Variants in ZC3H18 observed in about 807,000 individuals in gnomAD.
ZC3H18 encodes the protein zinc finger CCCH domain-containing protein 18.
Under a neutral mutation model 106.1 loss-of-function variants are expected in ZC3H18, and 8 were observed. The observed-to-expected ratio is 0.08, with a 90% confidence interval of 0.04 to 0.14. The LOEUF is 0.14. ZC3H18 is among the 10% of genes least tolerant of loss of function. The probability of loss-of-function intolerance (pLI) is 1.00; values close to 1 mark genes in which losing one functional copy is unlikely to be tolerated. For missense variants in ZC3H18, 1,318 were observed against 1,278.4 expected, an observed-to-expected ratio of 1.03 and a Z score of -0.47; for synonymous variants, 635 against 522.1, an observed-to-expected ratio of 1.22 and a Z score of -2.95.
intron 6 of ZC3H18, chr16:88,608,655 A>G (rs531505116): frequency 9.5e-4 from 210 of 220,766 alleles, no homozygotes; most frequent in African/African-American, 4.4e-3. Context: ...GAGCCACCAC[A>G]CCTGGCCCTC....
chr16:88,579,312 C>T (rs1914962945), intron 2 of ZC3H18, among the ~76,000 whole-genome samples: 1 of 152,134 alleles, frequency 6.6e-6, no homozygotes, highest in Non-Finnish European at 1.5e-5. Context: ...TGAGGATGCC[C>T]ATGAGACTGA....
intron 8 of ZC3H18, among the ~76,000 whole-genome samples, chr16:88,613,356 T>C (rs1308565624): frequency 6.6e-6 from 1 of 152,244 alleles, no homozygotes; most frequent in Non-Finnish European, 1.5e-5. Flanking sequence ...TTCTTGAGCA[T>C]ATACCTCAGT....
chr16:88,602,968 CTTTT>C (rs1029970086), intron 6 of ZC3H18, among the ~76,000 whole-genome samples: 4 of 145,160 alleles, frequency 2.8e-5, no homozygotes, highest in Non-Finnish European at 4.6e-5. Context: ...GTTGTTCCTT[CTTTT>C]TTTTTTTTTT....
At position 88,573,831 on chromosome 16, in the gene ZC3H18, G is replaced by C. The variant is rs186037775; in HGVS notation, c.-15+3265G>C. On this transcript the variant is annotated intron_variant, in intron 1 of 17. Transcript: ENST00000301011. ...GAACTGTCTGCTTTTAAGTGACTTGGAATGGATTGGTTGGTTTGTAAATCT... is the reference window on the plus strand; with the variant it reads ...GAACTGTCTGCTTTTAAGTGACTTGCAATGGATTGGTTGGTTTGTAAATCT... Among the ~76,000 whole-genome samples, 8 of 152,042 alleles carry C rather than the reference G, an allele frequency of 5.3e-5. No homozygotes were observed. In the East Asian group the frequency reaches 1.4e-3, roughly 26 times the overall value.
chr16:88,581,750 C>G (rs529227279), intron 2 of ZC3H18, among the ~76,000 whole-genome samples: 2 of 152,324 alleles, frequency 1.3e-5, no homozygotes, highest in East Asian at 3.9e-4. Flanking sequence ...CACCCTGACC[C>G]ACTCATGCCA....
chr16:88,571,327 T>C (rs1359230914), intron 1 of ZC3H18, among the ~76,000 whole-genome samples: 2 of 152,096 alleles, frequency 1.3e-5, no homozygotes, highest in Non-Finnish European at 2.9e-5. Flanking sequence ...TTTGGGAAAA[T>C]GGAAGAAGAG....
chr16:88,594,735 C>T (rs1433076845), intron 3 of ZC3H18, among the ~76,000 whole-genome samples: 2 of 152,214 alleles, frequency 1.3e-5, no homozygotes, highest in East Asian at 3.8e-4. Flanking sequence ...AGGTGGTCAA[C>T]TTCACAGTGT....
At chr16:88,570,838 CAG>C (rs1914353389) in intron 1 of ZC3H18, among the ~76,000 whole-genome samples, 3 of 152,226 alleles carry the variant, frequency 2.0e-5, no homozygotes, top group Admixed American at 2.0e-4. Context: ...CGCCCCGCGG[CAG>C]AGTTTATTTT....
At chr16:88,585,098 A>G (rs1915359704) in intron 2 of ZC3H18, among the ~76,000 whole-genome samples, 1 of 152,254 alleles carries the variant, frequency 6.6e-6, no homozygotes, top group South Asian at 2.1e-4. Flanking sequence ...GAGAAGAGAG[A>G]CATCCTGTCA....
At chr16:88,628,224 G>A in intron 15 of ZC3H18, 105 bp downstream of exon 15, 5 of 1,309,616 alleles carry the variant, frequency 3.8e-6, no homozygotes, top group Non-Finnish European at 3.1e-6. Flanking sequence ...GTGAGGGCGA[G>A]TGGGGCCTTG....
intron 3 of ZC3H18, among the ~76,000 whole-genome samples, chr16:88,595,893 C>G (rs935866559): frequency 2.0e-5 from 3 of 152,156 alleles, no homozygotes; most frequent in African/African-American, 7.2e-5. Context: ...TCCCACATTC[C>G]CGACAGTTGG....
chr16:88,576,635 G>A (rs892475977), intron 1 of ZC3H18, among the ~76,000 whole-genome samples: 4 of 152,232 alleles, frequency 2.6e-5, no homozygotes, highest in African/African-American at 9.6e-5. Flanking sequence ...CACTGCCGAA[G>A]GCTGGCCCAG....
chr16:88,587,284 A>G (rs988265457), intron 3 of ZC3H18, among the ~76,000 whole-genome samples: 2 of 152,146 alleles, frequency 1.3e-5, no homozygotes, highest in Admixed American at 6.5e-5. Flanking sequence ...TAGCCTGATG[A>G]TGTTAGGGCT....
intron 6 of ZC3H18, among the ~76,000 whole-genome samples, chr16:88,606,718 A>G (rs1440931328): frequency 6.6e-6 from 1 of 152,196 alleles, no homozygotes; most frequent in Non-Finnish European, 1.5e-5. Flanking sequence ...AGGTCTCTAC[A>G]AATGTTTCCT....
intron 9 of ZC3H18, chr16:88,622,637 G>A: frequency 2.0e-6 from 1 of 496,322 alleles, no homozygotes; most frequent in Non-Finnish European, 3.6e-6. Flanking sequence ...ACTGCTCCCA[G>A]GGAGTCACAG....
intron 11 of ZC3H18, 50 bp downstream of exon 11, chr16:88,624,112 C>T (rs374507401): frequency 2.6e-5 from 42 of 1,599,072 alleles, no homozygotes; most frequent in Non-Finnish European, 3.5e-5. Context: ...CCTCCACAGG[C>T]TGCAGCCTCC....
intron 8 of ZC3H18, among the ~76,000 whole-genome samples, chr16:88,615,868 G>A (rs576670560): frequency 1.5e-3 from 226 of 152,324 alleles, no homozygotes; most frequent in African/African-American, 5.2e-3. Flanking sequence ...TTCCAACTCA[G>A]GGATGTTTTC....
In ZC3H18 at chr16:88,606,359, C is replaced by T. The variant is rs147490863; in HGVS notation, c.1089-2575C>T. Among the ~76,000 whole-genome samples the T allele has an allele frequency of 2.7e-3, 410 of 152,328 alleles. 1 individual carries two copies. Among genetic ancestry groups the T allele is most frequent in the African/African-American group, 9.3e-3 (388 of 41,564 alleles). On this transcript the variant is annotated intron_variant, in intron 6 of 17. Transcript: ENST00000301011. ...AACGCATGCTGCGGAGCAGATGGTTCCGAGGCAGCCACGCTGAGGAAATGC... is the reference window on the plus strand; with the variant it reads ...AACGCATGCTGCGGAGCAGATGGTTTCGAGGCAGCCACGCTGAGGAAATGC...
chr16:88,609,221 G>T (rs185391337), intron 7 of ZC3H18, 170 bp downstream of exon 7: 6 of 457,508 alleles, frequency 1.3e-5, no homozygotes, highest in East Asian at 1.1e-4. Context: ...CAGAGGCAGC[G>T]ATTACATTAA....
Sources: gnomAD v4.1 joint callset for allele counts (sites outside exome capture counted in the v4.1 genomes callset) on GRCh38, gnomAD v4.1.1 for gene constraint, MANE v1.5 for transcripts, NCBI Gene and HGNC (gene_info 2026-07-23, HGNC 2026-07-21) for gene names.